Variants in CDH13 observed in about 807,000 individuals in gnomAD.
The protein encoded by CDH13 is cadherin 13.
CDH13 carries 24 observed loss-of-function variants against 63.8 expected under a neutral mutation model. The observed-to-expected ratio is 0.38, with a 90% confidence interval of 0.27 to 0.53. CDH13 has a LOEUF of 0.53. Ranked by LOEUF, CDH13 falls within the 20% of genes least tolerant of loss-of-function variation. CDH13 has a pLI of 0.85. For synonymous variants in CDH13, 503 were observed against 355.3 expected, an observed-to-expected ratio of 1.42 and a Z score of -4.67; for missense variants, 1,049 against 903.1, an observed-to-expected ratio of 1.16 and a Z score of -2.07.
intron 2 of CDH13, among the ~76,000 whole-genome samples, chr16:82,913,087 A>T (rs1422970164): frequency 6.6e-6 from 1 of 152,330 alleles, no homozygotes. Context: ...GCATTAATGT[A>T]TGAGACTCTC....
chr16:82,697,071 T>C (rs956199624), intron 1 of CDH13, among the ~76,000 whole-genome samples: 1 of 152,206 alleles, frequency 6.6e-6, no homozygotes, highest in Non-Finnish European at 1.5e-5. Context: ...GTCCCAATTT[T>C]GGATGTCATA....
intron 10 of CDH13, among the ~76,000 whole-genome samples, chr16:83,719,759 C>T (rs1909435998): frequency 6.6e-6 from 1 of 152,126 alleles, no homozygotes; most frequent in East Asian, 1.9e-4. Context: ...GATGCCATTC[C>T]TTAAGCCCCT....
At chr16:83,235,014 T>A (rs1450887499) in intron 5 of CDH13, among the ~76,000 whole-genome samples, 2 of 152,128 alleles carry the variant, frequency 1.3e-5, no homozygotes, top group African/African-American at 4.8e-5. Flanking sequence ...CTGGGCAACA[T>A]AGAGATTCCA....
intron 3 of CDH13, among the ~76,000 whole-genome samples, chr16:83,095,182 A>G (rs1017743585): frequency 1.3e-5 from 2 of 152,240 alleles, no homozygotes; most frequent in African/African-American, 4.8e-5. Flanking sequence ...GCTGATGCCA[A>G]GCTACAAACA....
intron 1 of CDH13, among the ~76,000 whole-genome samples, chr16:82,783,135 G>A (rs1295673670): frequency 6.6e-6 from 1 of 152,210 alleles, no homozygotes; most frequent in Non-Finnish European, 1.5e-5. Flanking sequence ...TTGGCACCGA[G>A]GGACATTTCC....
In CDH13 at chr16:83,608,734, T is replaced by C. The variant is rs557274374; in HGVS notation, c.1101+6140T>C. Among the ~76,000 whole-genome samples the C allele has an allele frequency of 3.6e-4, 55 of 151,566 alleles. No individual in the cohort carries two copies. In the South Asian group the frequency reaches 8.2e-3, roughly 22 times the overall value. On this transcript the variant is annotated intron_variant, in intron 8 of 13. Transcript: ENST00000567109. Reference sequence around the variant, plus strand: ...TGTTCCTCGGGCTGGTCTTGAACTATTGGGCCCAAGCAATCCACCCACCTA... The same window carrying C: ...TGTTCCTCGGGCTGGTCTTGAACTACTGGGCCCAAGCAATCCACCCACCTA...
At chr16:83,416,765 A>C (rs1477623119) in intron 6 of CDH13, among the ~76,000 whole-genome samples, 1 of 152,172 alleles carries the variant, frequency 6.6e-6, no homozygotes, top group Non-Finnish European at 1.5e-5. Context: ...CAAATCTCTG[A>C]GATTCAAATC....
chr16:83,493,586 GAC>G (rs2074069735), intron 7 of CDH13, among the ~76,000 whole-genome samples: 1 of 152,182 alleles, frequency 6.6e-6, no homozygotes, highest in Admixed American at 6.5e-5. Flanking sequence ...GAGTGGCATG[GAC>G]AAAGGCATGG....
intron 8 of CDH13, among the ~76,000 whole-genome samples, chr16:83,669,639 T>TC (rs1461321305): frequency 2.4e-4 from 36 of 152,156 alleles, no homozygotes; most frequent in Admixed American, 2.4e-3. Flanking sequence ...TTAGTTGCAG[T>TC]CCCCGCCCTG....
intron 10 of CDH13, among the ~76,000 whole-genome samples, chr16:83,731,473 G>T (rs868073923): frequency 6.6e-6 from 1 of 152,210 alleles, no homozygotes; most frequent in African/African-American, 2.4e-5. Context: ...CTTTTGCAAA[G>T]TGTCTGTTCA....
intron 1 of CDH13, among the ~76,000 whole-genome samples, chr16:82,820,373 G>A (rs935906694): frequency 6.6e-6 from 1 of 152,176 alleles, no homozygotes; most frequent in Non-Finnish European, 1.5e-5. Flanking sequence ...ATGCTTCATG[G>A]ATATTAGCAC....
chr16:83,750,829 G>A (rs764821893), intron 11 of CDH13, among the ~76,000 whole-genome samples: 2 of 152,182 alleles, frequency 1.3e-5, no homozygotes, highest in Non-Finnish European at 2.9e-5. Context: ...AGAACTGTAA[G>A]ACAATAGATT....
intron 2 of CDH13, among the ~76,000 whole-genome samples, chr16:82,944,377 T>A (rs1904462674): frequency 6.6e-6 from 1 of 152,178 alleles, no homozygotes; most frequent in Admixed American, 6.5e-5. Flanking sequence ...GTGGACTCCT[T>A]TATGGGATTG....
chr16:82,866,673 G>T (rs561472517), intron 2 of CDH13, among the ~76,000 whole-genome samples: 26 of 152,070 alleles, frequency 1.7e-4, no homozygotes, highest in Non-Finnish European at 3.2e-4. Flanking sequence ...ATAAAGATAA[G>T]AGGTTCAATT....
intron 5 of CDH13, among the ~76,000 whole-genome samples, chr16:83,236,031 G>A (rs2040132457): frequency 6.6e-6 from 1 of 152,120 alleles, no homozygotes; most frequent in African/African-American, 2.4e-5. Context: ...GCATTTAAAT[G>A]CGTTTAAGAT....
At chr16:83,130,926 C>A (rs2036015359) in intron 4 of CDH13, among the ~76,000 whole-genome samples, 1 of 152,136 alleles carries the variant, frequency 6.6e-6, no homozygotes, top group Non-Finnish European at 1.5e-5. Flanking sequence ...GAGGGTTTTT[C>A]ACAACTGGAT....
intron 1 of CDH13, among the ~76,000 whole-genome samples, chr16:82,831,044 A>G (rs1190816997): frequency 6.6e-6 from 1 of 152,084 alleles, no homozygotes; most frequent in East Asian, 1.9e-4. Context: ...TATTCTCTAG[A>G]GTGCTGCTTC....
chr16:83,303,010 C>G (rs967187755), intron 5 of CDH13, among the ~76,000 whole-genome samples: 3 of 152,200 alleles, frequency 2.0e-5, no homozygotes, highest in Admixed American at 6.5e-5. Context: ...GCTGTCATTT[C>G]CAGTCCAACA....
At chr16:83,512,791 C>T (rs904294594) in intron 7 of CDH13, among the ~76,000 whole-genome samples, 1 of 152,140 alleles carries the variant, frequency 6.6e-6, no homozygotes, top group African/African-American at 2.4e-5. Context: ...GAAGTAGCCA[C>T]ATCCCCTGAG....
Sources: allele counts gnomAD v4.1 joint callset (sites outside exome capture counted in the v4.1 genomes callset), GRCh38; gene constraint gnomAD v4.1.1; transcripts MANE v1.5; gene names NCBI Gene and HGNC (gene_info 2026-07-23, HGNC 2026-07-21).